The following NALF1 variants were observed in gnomAD, a reference collection of about 807,000 sequenced individuals.
NALF1 encodes the protein family with sequence similarity 155 member A.
In NALF1, 3 loss-of-function variants were observed where a neutral mutation model predicts 48.4. The ratio of observed to expected loss-of-function variants is 0.06; its 90% confidence interval spans 0.03 to 0.16. The LOEUF (loss-of-function observed/expected upper bound fraction) is 0.16, where lower values mean the gene tolerates loss of function less well. Among genes scored for constraint, NALF1 ranks in the 10% least tolerant of loss-of-function variants. The probability of loss-of-function intolerance (pLI) is 1.00; values close to 1 mark genes in which losing one functional copy is unlikely to be tolerated. For missense variants in NALF1, 526 were observed against 571.5 expected, an observed-to-expected ratio of 0.92 and a Z score of 0.81; for synonymous variants, 262 against 245.7, an observed-to-expected ratio of 1.07 and a Z score of -0.62.
chr13:107,377,856 T>G (rs1372465638), intron 1 of NALF1, among the ~76,000 whole-genome samples: 1 of 152,144 alleles, frequency 6.6e-6, no homozygotes, highest in African/African-American at 2.4e-5. Flanking sequence ...TAATAAAGGT[T>G]TGGATGAGCT....
chr13:107,446,405 T>TCACACACACA (rs34962012), intron 1 of NALF1, among the ~76,000 whole-genome samples: 6,100 of 146,026 alleles, frequency 0.042, 158 homozygotes, highest in Non-Finnish European at 0.06. Flanking sequence ...ATAATTAAAT[T>TCACACACACA]CACACACACA....
chr13:107,570,518 A>G (rs942901539), intron 1 of NALF1, among the ~76,000 whole-genome samples: 1 of 151,470 alleles, frequency 6.6e-6, no homozygotes, highest in Non-Finnish European at 1.5e-5. Flanking sequence ...CCAGCCTAGT[A>G]TTCCTGAAAT....
intron 1 of NALF1, among the ~76,000 whole-genome samples, chr13:107,575,761 T>C (rs1243663755): frequency 6.6e-6 from 1 of 152,166 alleles, no homozygotes; most frequent in African/African-American, 2.4e-5. Flanking sequence ...TTTTGCAGTA[T>C]TAACAAAATT....
chr13:107,356,969 G>GC (rs751575086), intron 1 of NALF1, among the ~76,000 whole-genome samples: 7 of 152,112 alleles, frequency 4.6e-5, no homozygotes, highest in African/African-American at 7.2e-5. Context: ...TTCTACTGTT[G>GC]CAACAAACAT....
At chr13:107,798,444 C>T (rs7988448) in intron 1 of NALF1, among the ~76,000 whole-genome samples, 1 of 152,166 alleles carries the variant, frequency 6.6e-6, no homozygotes, top group Non-Finnish European at 1.5e-5. Flanking sequence ...CAAAATGTTA[C>T]AATATTATGT....
At chr13:107,571,978 G>T (rs772430719) in intron 1 of NALF1, among the ~76,000 whole-genome samples, 2 of 152,072 alleles carry the variant, frequency 1.3e-5, no homozygotes, top group Non-Finnish European at 2.9e-5. Context: ...CGTGTGTGTA[G>T]CAAATTACAA....
chr13:107,728,441 C>T (rs1390247308), intron 1 of NALF1, among the ~76,000 whole-genome samples: 1 of 151,938 alleles, frequency 6.6e-6, no homozygotes, highest in Non-Finnish European at 1.5e-5. Flanking sequence ...AACAGAAAAC[C>T]AAACACCACA....
At chr13:107,630,225 T>C (rs1879797921) in intron 1 of NALF1, among the ~76,000 whole-genome samples, 1 of 151,962 alleles carries the variant, frequency 6.6e-6, no homozygotes, top group Admixed American at 6.6e-5. Context: ...GACACAAGAG[T>C]TACTTGAAAC....
intron 1 of NALF1, among the ~76,000 whole-genome samples, chr13:107,739,024 G>A (rs143989782): frequency 2.6e-5 from 4 of 152,238 alleles, no homozygotes; most frequent in African/African-American, 9.6e-5. Flanking sequence ...GAGCATGTTT[G>A]CTGGAAGCCA....
chr13:107,175,326 A>G (rs1438845253), intron 2 of NALF1, among the ~76,000 whole-genome samples: 1 of 151,876 alleles, frequency 6.6e-6, no homozygotes, highest in Non-Finnish European at 1.5e-5. Context: ...AGTCTTCCTT[A>G]TTTTGCTCTT....
At chr13:107,534,316 T>C (rs1007412086) in intron 1 of NALF1, among the ~76,000 whole-genome samples, 2 of 152,110 alleles carry the variant, frequency 1.3e-5, no homozygotes, top group African/African-American at 4.8e-5. Flanking sequence ...ATTGCTAAAA[T>C]ATGTTTATAT....
Position 107,571,515 on chromosome 13 carries a change from G to A in NALF1, c.915+294167C>T, listed in dbSNP as rs563346911. 2.6e-5 allele frequency among the ~76,000 whole-genome samples: 4 copies of A among 152,214 alleles called. 1 individual carries two copies. Among genetic ancestry groups the A allele is most frequent in the African/African-American group, 9.6e-5 (4 of 41,540 alleles). ...GTACGTCTGGGTAGATGGGAGCTCC[G>A]TGCCCCTGCCCCATACCTTGCCTCT... is the stretch of plus-strand genomic sequence containing the variant. On this transcript the variant is annotated intron_variant, in intron 1 of 2. Coordinates refer to ENST00000375915, the MANE Select transcript of NALF1 (RefSeq NM_001080396.3).
intron 1 of NALF1, among the ~76,000 whole-genome samples, chr13:107,519,715 C>A (rs185893622): frequency 3.9e-5 from 6 of 152,096 alleles, no homozygotes; most frequent in Admixed American, 6.6e-5. Flanking sequence ...TCTACCTGAC[C>A]TAAAATAATG....
At position 107,491,672 on chromosome 13, in the gene NALF1, T is replaced by C. The variant is rs1875117715; in HGVS notation, c.916-280917A>G. On this transcript the variant is annotated intron_variant, in intron 1 of 2. Coordinates refer to ENST00000375915, the MANE Select transcript of NALF1 (RefSeq NM_001080396.3). ...TTAAAAAAACTCATCTGTCTCTACC[T>C]TGCCCCATATTTAATGTCTTGTTTG... is the stretch of plus-strand genomic sequence containing the variant. 2.0e-5 allele frequency among the ~76,000 whole-genome samples: 3 copies of C among 152,196 alleles called. No homozygotes were observed. The South Asian group carries it at 6.2e-4, about 32-fold the overall frequency.
At chr13:107,748,858 T>C (rs1054672603) in intron 1 of NALF1, among the ~76,000 whole-genome samples, 1 of 151,964 alleles carries the variant, frequency 6.6e-6, no homozygotes, top group Non-Finnish European at 1.5e-5. Context: ...GAGAAGGAAT[T>C]GGAGGAAGCT....
intron 1 of NALF1, among the ~76,000 whole-genome samples, chr13:107,329,706 C>T (rs930621148): frequency 4.7e-5 from 7 of 147,474 alleles, no homozygotes; most frequent in Admixed American, 1.4e-4. Context: ...CTTCCTGTGT[C>T]CAAGTGTTCT....
At chr13:107,665,361 A>G (rs1423289429) in intron 1 of NALF1, among the ~76,000 whole-genome samples, 1 of 152,138 alleles carries the variant, frequency 6.6e-6, no homozygotes, top group East Asian at 1.9e-4. Context: ...ACAACAGAAG[A>G]CTTACATTGT....
chr13:107,348,869 C>T (rs572891604), intron 1 of NALF1, among the ~76,000 whole-genome samples: 2 of 152,318 alleles, frequency 1.3e-5, no homozygotes, highest in South Asian at 4.1e-4. Context: ...TGCTCATTAC[C>T]GTTTCCCTCA....
chr13:107,182,510 T>C (rs551946723), intron 2 of NALF1, among the ~76,000 whole-genome samples: 2 of 152,270 alleles, frequency 1.3e-5, no homozygotes, highest in Admixed American at 6.5e-5. Flanking sequence ...GCTCAAGTGA[T>C]CTGCCCACCT....
Sources: gnomAD v4.1 joint callset for allele counts (sites outside exome capture counted in the v4.1 genomes callset) on GRCh38, gnomAD v4.1.1 for gene constraint, MANE v1.5 for transcripts, NCBI Gene and HGNC (gene_info 2026-07-23, HGNC 2026-07-21) for gene names.